B3GALT1: variants seen among roughly 807,000 people sequenced by gnomAD.
B3GALT1 encodes beta-1,3-galactosyltransferase 1, also known as UDP-Gal:betaGlcNAc beta 1,3-galactosyltransferase, polypeptide 1.
In B3GALT1, 10 loss-of-function variants were observed where a neutral mutation model predicts 23.2. The ratio of observed to expected loss-of-function variants is 0.43; its 90% CI spans 0.27 to 0.73. The LOEUF is 0.73. Among genes scored for constraint, B3GALT1 ranks in the 30% least tolerant of loss-of-function variants. The pLI is 0.21. For synonymous variants in B3GALT1, 156 were observed against 141.5 expected (o/e 1.10, Z -0.73); for missense variants, 299 against 405.4 (o/e 0.74, Z 2.25).
intron 1 of B3GALT1, among the ~76,000 whole-genome samples, chr2:167,327,469 G>A (rs1357307766): frequency 1.3e-5 from 2 of 151,536 alleles, no homozygotes; most frequent in Admixed American, 6.6e-5. Context: ...TTTATTCCTC[G>A]GTGTTTTTAA....
At chr2:167,532,965 G>A (rs1348327368) in intron 2 of B3GALT1, among the ~76,000 whole-genome samples, 1 of 150,270 alleles carries the variant, frequency 6.7e-6, no homozygotes, top group East Asian at 2.0e-4. Flanking sequence ...GGGTTCAAGC[G>A]ATTCTCCTGC....
intron 3 of B3GALT1, among the ~76,000 whole-genome samples, chr2:167,735,565 C>T (rs775882741): frequency 6.6e-6 from 1 of 152,032 alleles, no homozygotes; most frequent in African/African-American, 2.4e-5. Flanking sequence ...AGCTAGTTGC[C>T]TAAAAATAGG....
chr2:167,410,700 G>A (rs1336834744), intron 1 of B3GALT1, among the ~76,000 whole-genome samples: 1 of 151,970 alleles, frequency 6.6e-6, no homozygotes, highest in African/African-American at 2.4e-5. Flanking sequence ...ATATACCTAT[G>A]TAACAAGCCT....
intron 3 of B3GALT1, among the ~76,000 whole-genome samples, chr2:167,739,618 T>C (rs1687545377): frequency 6.6e-6 from 1 of 152,182 alleles, no homozygotes; most frequent in Non-Finnish European, 1.5e-5. Context: ...TTCTCCATAG[T>C]GCTTTTCTCT....
intron 2 of B3GALT1, among the ~76,000 whole-genome samples, chr2:167,616,222 T>A (rs115837243): frequency 0.011 from 1,657 of 152,200 alleles, 34 homozygotes; most frequent in African/African-American, 0.038. Context: ...ATAAATCTCC[T>A]GAAGAGTGTG....
intron 3 of B3GALT1, among the ~76,000 whole-genome samples, chr2:167,672,030 G>T (rs1686338808): frequency 6.6e-6 from 1 of 152,062 alleles, no homozygotes; most frequent in Non-Finnish European, 1.5e-5. Flanking sequence ...AGAAGAAATG[G>T]ATAAATTCCT....
intron 3 of B3GALT1, among the ~76,000 whole-genome samples, chr2:167,814,232 T>C (rs2077338997): frequency 6.6e-6 from 1 of 152,234 alleles, no homozygotes; most frequent in African/African-American, 2.4e-5. Context: ...ACTTGGGCTT[T>C]GGAGGTCATA....
At chr2:167,755,295 G>T (rs1312457806) in intron 3 of B3GALT1, among the ~76,000 whole-genome samples, 1 of 151,904 alleles carries the variant, frequency 6.6e-6, no homozygotes, top group Non-Finnish European at 1.5e-5. Context: ...GAGGAGGAGA[G>T]AAAGAACTTT....
chr2:167,728,077 C>A (rs558532039), intron 3 of B3GALT1, among the ~76,000 whole-genome samples: 1 of 152,246 alleles, frequency 6.6e-6, no homozygotes, highest in South Asian at 2.1e-4. Context: ...TCTGTATACA[C>A]AATATTTTTC....
chr2:167,722,590 C>T (rs763191348), intron 3 of B3GALT1, among the ~76,000 whole-genome samples: 1 of 152,106 alleles, frequency 6.6e-6, no homozygotes, highest in African/African-American at 2.4e-5. Flanking sequence ...ATCCTTAATA[C>T]CACTGAAGCC....
chr2:167,579,432 C>CT lies in B3GALT1; in HGVS notation c.-409-67462dup, dbSNP rs71395297. Among the ~76,000 whole-genome samples the CT allele has an allele frequency of 4.4e-3, 480 of 109,034 alleles. 22 individuals carry two copies. In the East Asian group the frequency reaches 0.1, roughly 23 times the overall value. 71.5% of individuals were successfully genotyped at this position (109,034 alleles called of 152,430 possible). ...TGGTTTTGGTTTTGTTTTTTTTTGT[C>CT]TTTTTTTTTTTTTTTCCATTTAAAT... On this transcript the variant is annotated intron_variant, in intron 2 of 4. Coordinates refer to ENST00000392690, the MANE Select transcript of B3GALT1 (RefSeq NM_020981.4).
chr2:167,852,552 CTTTTA>C (rs1280156108), intron 4 of B3GALT1, among the ~76,000 whole-genome samples: 2 of 150,680 alleles, frequency 1.3e-5, no homozygotes, highest in African/African-American at 2.4e-5. Context: ...AACACAGGAA[CTTTTA>C]TTTTATCGGA....
At chr2:167,565,363 G>C (rs1056905797) in intron 2 of B3GALT1, among the ~76,000 whole-genome samples, 20 of 152,226 alleles carry the variant, frequency 1.3e-4, no homozygotes, top group African/African-American at 4.8e-4. Flanking sequence ...AATTCAAGAT[G>C]GATTAAAGAC....
At chr2:167,529,654 C>T (rs572868316) in intron 2 of B3GALT1, among the ~76,000 whole-genome samples, 4 of 151,726 alleles carry the variant, frequency 2.6e-5, no homozygotes, top group African/African-American at 9.6e-5. Flanking sequence ...CTTTCAGTAG[C>T]TCAGACCAAA....
At chr2:167,566,860 A>T (rs762073231) in intron 2 of B3GALT1, among the ~76,000 whole-genome samples, 1 of 152,110 alleles carries the variant, frequency 6.6e-6, no homozygotes, top group Non-Finnish European at 1.5e-5. Context: ...AATACAATAA[A>T]ATTGGTCTCT....
intron 3 of B3GALT1, among the ~76,000 whole-genome samples, chr2:167,668,815 G>A (rs879917436): frequency 1.4e-4 from 22 of 152,188 alleles, no homozygotes; most frequent in Non-Finnish European, 2.8e-4. Flanking sequence ...GCTCGCGCAC[G>A]GTGCGTGCAC....
chr2:167,570,889 C>T (rs1338015018), intron 2 of B3GALT1, among the ~76,000 whole-genome samples: 19 of 151,896 alleles, frequency 1.3e-4, no homozygotes. Flanking sequence ...GGACATCATG[C>T]AGTTAAAAAG....
At chr2:167,431,100 A>G (rs576314475) in intron 1 of B3GALT1, among the ~76,000 whole-genome samples, 8 of 152,246 alleles carry the variant, frequency 5.3e-5, no homozygotes, top group Non-Finnish European at 8.8e-5. Context: ...TTGATAGCCA[A>G]TTGAGTGGAT....
At chr2:167,732,202 AG>A (rs1687420441) in intron 3 of B3GALT1, among the ~76,000 whole-genome samples, 1 of 152,352 alleles carries the variant, frequency 6.6e-6, no homozygotes, top group East Asian at 1.9e-4. Flanking sequence ...CCACACAGCC[AG>A]TGTAGCCAAA....
Sources: gnomAD v4.1 joint callset for allele counts (sites outside exome capture counted in the v4.1 genomes callset) on GRCh38, gnomAD v4.1.1 for gene constraint, MANE v1.5 for transcripts, NCBI Gene and HGNC (gene_info 2026-07-23, HGNC 2026-07-21) for gene names.